RBFOX1: variants seen among roughly 807,000 people sequenced by gnomAD.
The protein encoded by RBFOX1 is RNA binding fox-1 homolog 1.
Under a neutral mutation model 57.7 loss-of-function variants are expected in RBFOX1, and 8 were observed. That is an observed-to-expected ratio of 0.14 (90% CI 0.08 to 0.25). The LOEUF is 0.25. Among genes scored for constraint, RBFOX1 ranks in the 10% least tolerant of loss-of-function variants. The pLI is 1.00. For missense variants in RBFOX1, 611 were observed against 548.5 expected (o/e 1.11, Z -1.14); for synonymous variants, 326 against 222.4 (o/e 1.47, Z -4.15).
chr16:6,768,359 G>GGT (rs1163353270), intron 3 of RBFOX1, among the ~76,000 whole-genome samples: 2 of 151,352 alleles, frequency 1.3e-5, no homozygotes, highest in African/African-American at 4.9e-5. Flanking sequence ...TTTCTTCTAG[G>GGT]GTAGATGGTG....
intron 3 of RBFOX1, among the ~76,000 whole-genome samples, chr16:6,886,704 G>A: frequency 6.6e-6 from 1 of 151,000 alleles, no homozygotes; most frequent in East Asian, 2.0e-4. Flanking sequence ...GCACTAAACT[G>A]AGATCGCACC....
chr16:5,543,610 A>T (rs1483157301), intron 2 of RBFOX1, among the ~76,000 whole-genome samples: 1 of 152,220 alleles, frequency 6.6e-6, no homozygotes, highest in Non-Finnish European at 1.5e-5. Flanking sequence ...ATGGAGAGAC[A>T]GAAAAAATAT....
intron 3 of RBFOX1, among the ~76,000 whole-genome samples, chr16:5,662,184 A>C (rs2049675144): frequency 6.6e-6 from 1 of 152,198 alleles, no homozygotes; most frequent in African/African-American, 2.4e-5. Flanking sequence ...GATTCGTATC[A>C]AAGTTGATAT....
chr16:7,632,839 G>C (rs931350302), intron 11 of RBFOX1, among the ~76,000 whole-genome samples: 1 of 152,132 alleles, frequency 6.6e-6, no homozygotes, highest in Non-Finnish European at 1.5e-5. Context: ...GGACAGTATG[G>C]CTCTATATGA....
chr16:6,209,697 A>G (rs528758113), intron 1 of RBFOX1, among the ~76,000 whole-genome samples: 15 of 152,340 alleles, frequency 9.8e-5, no homozygotes, highest in African/African-American at 3.6e-4. Context: ...TCTGATCTTC[A>G]GAAAGGGAGG....
At chr16:7,147,775 A>G (rs971059884) in intron 4 of RBFOX1, among the ~76,000 whole-genome samples, 1 of 152,154 alleles carries the variant, frequency 6.6e-6, no homozygotes, top group Non-Finnish European at 1.5e-5. Context: ...AGCTGCAGTG[A>G]ACATGTGAGT....
intron 2 of RBFOX1, among the ~76,000 whole-genome samples, chr16:5,510,082 C>G (rs532461559): frequency 6.6e-6 from 1 of 152,304 alleles, no homozygotes; most frequent in East Asian, 1.9e-4. Context: ...CCCACAGCGT[C>G]GAGCACAGGG....
In RBFOX1 at chr16:7,712,008, A is replaced by AC. The variant is rs958135185; in HGVS notation, c.*1264dup. On this transcript the variant is annotated 3_prime_UTR_variant, in exon 16 of 16. Transcript: ENST00000550418. ...TTTAGTTCTGTCTCCAAGGCCCAGG[A>AC]CACTTGTCAGAAGGATGCAAAAAAA... is the stretch of plus-strand genomic sequence containing the variant. 40 of 152,576 alleles carry AC rather than the reference A, an allele frequency of 2.6e-4. No homozygotes were observed. Among genetic ancestry groups the AC allele is most frequent in the African/African-American group, 9.2e-4 (38 of 41,468 alleles). 9.5% of individuals were successfully genotyped at this position (152,576 alleles called of 1,614,324 possible).
chr16:7,580,984 C>T (rs567905938), intron 6 of RBFOX1, among the ~76,000 whole-genome samples: 1 of 151,914 alleles, frequency 6.6e-6, no homozygotes, highest in Non-Finnish European at 1.5e-5. Flanking sequence ...ACTTGAATGC[C>T]TCATTCCTAG....
chr16:7,481,246 CAT>C (rs2063864611), intron 4 of RBFOX1, among the ~76,000 whole-genome samples: 4 of 152,232 alleles, frequency 2.6e-5, no homozygotes, highest in South Asian at 2.1e-4. Flanking sequence ...CAGCAAGAAA[CAT>C]AGAGCCCCCG....
chr16:6,238,108 A>AAAAG (rs1567746264), intron 1 of RBFOX1, among the ~76,000 whole-genome samples: 10 of 147,792 alleles, frequency 6.8e-5, no homozygotes, highest in Non-Finnish European at 1.0e-4. Context: ...AAAAAAAAAA[A>AAAAG]AAAGAAAGAA....
intron 3 of RBFOX1, chr16:6,873,790 G>A (rs1048334390): frequency 6.6e-6 from 1 of 152,110 alleles, no homozygotes; most frequent in African/African-American, 2.4e-5. Flanking sequence ...GCAACTCTGT[G>A]ATCTTTATTA....
intron 10 of RBFOX1, among the ~76,000 whole-genome samples, chr16:7,611,613 G>C (rs902287450): frequency 6.7e-6 from 1 of 149,876 alleles, no homozygotes; most frequent in South Asian, 2.1e-4. Context: ...ATTGATTTTT[G>C]TATGTAATGT....
chr16:6,193,362 A>ATATATATATATATATACAT (rs1555545279), intron 1 of RBFOX1, among the ~76,000 whole-genome samples: 22 of 101,326 alleles, frequency 2.2e-4, no homozygotes, highest in East Asian at 8.9e-4. Context: ...TACATTATAT[A>ATATATATATATATATACAT]TATATATATA....
chr16:6,716,409 C>T (rs780189704), intron 3 of RBFOX1, among the ~76,000 whole-genome samples: 17 of 152,060 alleles, frequency 1.1e-4, no homozygotes, highest in African/African-American at 1.7e-4. Flanking sequence ...CATTTCAAAG[C>T]GGTGGAATTT....
intron 1 of RBFOX1, among the ~76,000 whole-genome samples, chr16:5,385,063 T>A (rs1454880089): frequency 3.3e-5 from 5 of 152,344 alleles, no homozygotes; most frequent in African/African-American, 1.2e-4. Context: ...AACAGAATAG[T>A]CAAATGTATT....
At chr16:7,541,412 C>T (rs2082899052) in intron 5 of RBFOX1, among the ~76,000 whole-genome samples, 1 of 152,068 alleles carries the variant, frequency 6.6e-6, no homozygotes, top group Admixed American at 6.6e-5. Context: ...CTCCTTTCTG[C>T]TATGACATCT....
chr16:6,839,660 A>G (rs1320640675), intron 3 of RBFOX1, among the ~76,000 whole-genome samples: 2 of 152,166 alleles, frequency 1.3e-5, no homozygotes, highest in Non-Finnish European at 2.9e-5. Context: ...GTGTTTTTGC[A>G]AACTCTCCTA....
chr16:5,309,954 A>T (rs2064039423), intron 1 of RBFOX1, among the ~76,000 whole-genome samples: 1 of 152,302 alleles, frequency 6.6e-6, no homozygotes, highest in East Asian at 1.9e-4. Context: ...TGATTTAGAG[A>T]GAGCTGCTTG....
Sources: allele counts gnomAD v4.1 joint callset (sites outside exome capture counted in the v4.1 genomes callset), GRCh38; gene constraint gnomAD v4.1.1; transcripts MANE v1.5; gene names NCBI Gene and HGNC (gene_info 2026-07-23, HGNC 2026-07-21).